Variants in NTM observed in about 807,000 individuals in gnomAD.
NTM encodes the protein IgLON family member 2.
NTM carries 13 observed loss-of-function variants against 42.1 expected under a neutral mutation model. The observed-to-expected ratio is 0.31, with a 90% CI of 0.20 to 0.49. NTM has a LOEUF of 0.49. Among genes scored for constraint, NTM ranks in the 20% least tolerant of loss-of-function variants. The pLI is 0.99. For missense variants in NTM, 373 were observed against 452.8 expected, an observed-to-expected ratio of 0.82 and a Z score of 1.60; for synonymous variants, 187 against 179.2, an observed-to-expected ratio of 1.04 and a Z score of -0.35.
intron 1 of NTM, among the ~76,000 whole-genome samples, chr11:131,497,187 TTTTA>T (rs1471534760): frequency 1.3e-5 from 2 of 152,128 alleles, no homozygotes; most frequent in East Asian, 1.9e-4. Context: ...TTACTATTTC[TTTTA>T]TTTATTTATT....
intron 3 of NTM, among the ~76,000 whole-genome samples, chr11:132,203,924 C>CA (rs34137990): frequency 1.7e-4 from 26 of 151,390 alleles, no homozygotes; most frequent in Middle Eastern, 3.4e-3. Flanking sequence ...GCAACAACAA[C>CA]AAAAAAAAAA....
chr11:132,148,503 T>G (rs2071096067), intron 3 of NTM, among the ~76,000 whole-genome samples: 1 of 151,882 alleles, frequency 6.6e-6, no homozygotes, highest in Non-Finnish European at 1.5e-5. Context: ...GCATTGACAA[T>G]GAGAGACTGG....
At chr11:131,458,545 CCTT>C (rs1472537413) in intron 1 of NTM, among the ~76,000 whole-genome samples, 1 of 152,188 alleles carries the variant, frequency 6.6e-6, no homozygotes, top group Non-Finnish European at 1.5e-5. Flanking sequence ...TTTTCTTTCT[CCTT>C]CTAACACCCA....
intron 4 of NTM, among the ~76,000 whole-genome samples, chr11:132,238,096 C>G (rs1326808314): frequency 6.6e-6 from 1 of 152,130 alleles, no homozygotes; most frequent in Non-Finnish European, 1.5e-5. Flanking sequence ...TTACAGCCAG[C>G]ATTAATTTGG....
intron 1 of NTM, among the ~76,000 whole-genome samples, chr11:131,659,674 C>G (rs147453818): frequency 6.6e-6 from 1 of 152,258 alleles, no homozygotes; most frequent in South Asian, 2.1e-4. Context: ...TACCTCGAAC[C>G]CTCTCCAAGT....
intron 1 of NTM, among the ~76,000 whole-genome samples, chr11:131,493,353 A>G (rs1393678164): frequency 1.3e-5 from 2 of 152,224 alleles, no homozygotes; most frequent in East Asian, 3.8e-4. Context: ...GGGAATAATC[A>G]TAACCATAAT....
intron 6 of NTM, 86 bp downstream of exon 6, chr11:132,310,318 C>A (rs116166801): frequency 2.2e-6 from 3 of 1,366,920 alleles, no homozygotes; most frequent in Non-Finnish European, 2.9e-6. Flanking sequence ...TTGTTGCAAA[C>A]GAGTTCTATA....
chr11:131,379,645 A>G (rs1439988781), intron 1 of NTM, among the ~76,000 whole-genome samples: 1 of 152,346 alleles, frequency 6.6e-6, no homozygotes, highest in East Asian at 1.9e-4. Flanking sequence ...TGCCTTGTAC[A>G]TAGGAAGCTC....
At chr11:131,499,466 C>G (rs977634654) in intron 1 of NTM, among the ~76,000 whole-genome samples, 7 of 152,222 alleles carry the variant, frequency 4.6e-5, no homozygotes, top group Admixed American at 2.6e-4. Context: ...CCGGACACTT[C>G]AACTGCCTGC....
intron 2 of NTM, among the ~76,000 whole-genome samples, chr11:132,108,775 T>C (rs2062761138): frequency 6.6e-6 from 1 of 152,218 alleles, no homozygotes; most frequent in African/African-American, 2.4e-5. Context: ...TACATAGGTA[T>C]ACATGTGCCA....
At chr11:131,381,187 G>A (rs1942629685) in intron 1 of NTM, among the ~76,000 whole-genome samples, 1 of 152,212 alleles carries the variant, frequency 6.6e-6, no homozygotes, top group African/African-American at 2.4e-5. Context: ...TGGGGACAGG[G>A]AAGGTTGAAC....
chr11:131,750,267 G>A (rs2082322022), intron 1 of NTM, among the ~76,000 whole-genome samples: 1 of 152,190 alleles, frequency 6.6e-6, no homozygotes, highest in Non-Finnish European at 1.5e-5. Flanking sequence ...TCTGTGTGTG[G>A]TGTCCCTGGA....
In NTM at chr11:132,093,292, C is replaced by A. The variant is rs138969174; in HGVS notation, c.168-52990C>A. ...TCTCTCTTGCATCTAGACCTTTGCA[C>A]ATGCTGTTTCCTCTGCCTGGTCTGT... On this transcript the variant is annotated intron_variant, in intron 2 of 8. Coordinates refer to ENST00000683400, the MANE Select transcript of NTM (RefSeq NM_001352005.2). Among the ~76,000 whole-genome samples, 399 of 152,298 alleles carry A rather than the reference C, an allele frequency of 2.6e-3. 2 individuals are homozygous for A. Among genetic ancestry groups the A allele is most frequent in the African/African-American group, 9.1e-3 (378 of 41,564 alleles).
chr11:131,789,492 GGAA>G (rs1565550959), intron 1 of NTM, among the ~76,000 whole-genome samples: 1 of 3,162 alleles, frequency 3.2e-4, no homozygotes, highest in African/African-American at 1.3e-3. Flanking sequence ...AAGAAGAAGA[GGAA>G]AGAAGAAGAA....
chr11:132,113,893 T>G (rs1242691312), intron 2 of NTM, among the ~76,000 whole-genome samples: 1 of 152,156 alleles, frequency 6.6e-6, no homozygotes, highest in East Asian at 1.9e-4. Context: ...GGCCCTAGCT[T>G]TCAGCCCCAC....
At position 131,385,821 on chromosome 11, in the gene NTM, G is replaced by A. The variant is rs541547294; in HGVS notation, c.82+14933G>A. On this transcript the variant is annotated intron_variant, in intron 1 of 8. Transcript: ENST00000683400. ...TACAGTGAGCTATGATTGCACCACC[G>A]CACTCCAGCCTGCACAGCAGAGCAA... is the stretch of plus-strand genomic sequence containing the variant. Among the ~76,000 whole-genome samples, 19 of 152,238 alleles carry A rather than the reference G, an allele frequency of 1.2e-4. No individual in the cohort carries two copies. The East Asian group carries it at 1.7e-3, about 14-fold the overall frequency.
At chr11:131,996,631 A>T (rs1309414509) in intron 2 of NTM, among the ~76,000 whole-genome samples, 1 of 151,712 alleles carries the variant, frequency 6.6e-6, no homozygotes, top group African/African-American at 2.4e-5. Flanking sequence ...AAGATTAAGG[A>T]CTTGCCCAGT....
chr11:131,941,237 C>G (rs1424634278), intron 2 of NTM, among the ~76,000 whole-genome samples: 2 of 152,186 alleles, frequency 1.3e-5, no homozygotes, highest in Non-Finnish European at 2.9e-5. Flanking sequence ...CTAAGAGCAA[C>G]AGAGTAGAAA....
Position 131,679,838 on chromosome 11 carries a change from A to C in NTM, c.83-231726A>C, listed in dbSNP as rs566927504. ...CTCCCAGTCACCCTGATGCAGGCTG[A>C]CATTGAGAACCACTGTTTGTTAGGA... On this transcript the variant is annotated intron_variant, in intron 1 of 8. Coordinates refer to ENST00000683400, the MANE Select transcript of NTM (RefSeq NM_001352005.2). Among the ~76,000 whole-genome samples, 62 of 152,188 alleles carry C rather than the reference A, an allele frequency of 4.1e-4. No individual in the cohort carries two copies. The South Asian group carries it at 0.012, about 30-fold the overall frequency.
Sources: allele counts gnomAD v4.1 joint callset (sites outside exome capture counted in the v4.1 genomes callset), GRCh38; gene constraint gnomAD v4.1.1; transcripts MANE v1.5; gene names NCBI Gene and HGNC (gene_info 2026-07-23, HGNC 2026-07-21).